GMDS: variants seen among roughly 807,000 people sequenced by gnomAD.
GMDS encodes the protein GDP-mannose 4,6-dehydratase, also known as GDP-mannose 4,6 dehydratase.
Under a neutral mutation model 49.9 loss-of-function variants are expected in GMDS, and 20 were observed. That is an observed-to-expected ratio of 0.40 (90% CI 0.28 to 0.58). The LOEUF (loss-of-function observed/expected upper bound fraction) is 0.58. Among genes scored for constraint, GMDS ranks in the 20% least tolerant of loss-of-function variants. GMDS has a pLI of 0.42. For synonymous variants in GMDS, 177 were observed against 178.6 expected, an observed-to-expected ratio of 0.99 and a Z score of 0.07; for missense variants, 362 against 481.4, an observed-to-expected ratio of 0.75 and a Z score of 2.32.
intron 2 of GMDS, among the ~76,000 whole-genome samples, chr6:2,119,965 TTTATTAA>T (rs1226984448): frequency 6.6e-6 from 1 of 152,196 alleles, no homozygotes; most frequent in Non-Finnish European, 1.5e-5. Context: ...TGCTTTATTA[TTTATTAA>T]TTATGATCAA....
At chr6:1,672,723 G>C (rs9501755) in intron 9 of GMDS, among the ~76,000 whole-genome samples, 50,836 of 152,014 alleles carry the variant, frequency 0.33, 8,896 homozygotes, top group Middle Eastern at 0.47. Flanking sequence ...TGTTCAAATA[G>C]GTTTGCCAGA....
At chr6:2,024,502 C>A in intron 4 of GMDS, among the ~76,000 whole-genome samples, 1 of 151,876 alleles carries the variant, frequency 6.6e-6, no homozygotes, top group East Asian at 1.9e-4. Context: ...TAAATCGAAA[C>A]ATGGGAAGTA....
chr6:1,969,193 C>T (rs1469918407), intron 4 of GMDS, among the ~76,000 whole-genome samples: 25 of 123,450 alleles, frequency 2.0e-4, no homozygotes, highest in East Asian at 1.4e-3. Context: ...ACCCGGGAGG[C>T]GGCGCTTGCA....
intron 1 of GMDS, among the ~76,000 whole-genome samples, chr6:2,155,268 GTAA>G (rs1335120823): frequency 2.0e-5 from 3 of 152,062 alleles, no homozygotes; most frequent in Non-Finnish European, 4.4e-5. Context: ...CTATTTCCTA[GTAA>G]TTATATTTTA....
intron 4 of GMDS, among the ~76,000 whole-genome samples, chr6:2,058,873 T>A (rs572292322): frequency 6.6e-6 from 1 of 152,316 alleles, no homozygotes; most frequent in South Asian, 2.1e-4. Flanking sequence ...CTAAAATTGC[T>A]GGTAGTGACG....
chr6:1,787,692 G>C (rs1769377444), intron 7 of GMDS, among the ~76,000 whole-genome samples: 1 of 152,122 alleles, frequency 6.6e-6, no homozygotes, highest in Non-Finnish European at 1.5e-5. Context: ...CATTTTCCTG[G>C]ACACCAAAGA....
At chr6:1,962,867 CTTTT>C (rs61214270) in intron 4 of GMDS, among the ~76,000 whole-genome samples, 18 of 148,946 alleles carry the variant, frequency 1.2e-4, no homozygotes, top group African/African-American at 4.4e-4. Flanking sequence ...TTTTTCTTTT[CTTTT>C]TTTTCTTTCT....
chr6:1,769,330 T>C (rs549641221), intron 7 of GMDS, among the ~76,000 whole-genome samples: 35 of 152,338 alleles, frequency 2.3e-4, no homozygotes, highest in Non-Finnish European at 3.4e-4. Flanking sequence ...GGGTAACAAA[T>C]TCTCTCAAAG....
intron 7 of GMDS, among the ~76,000 whole-genome samples, chr6:1,821,852 G>A (rs954478195): frequency 6.6e-6 from 1 of 152,032 alleles, no homozygotes; most frequent in African/African-American, 2.4e-5. Context: ...TTGCGGCGGG[G>A]GAGGGGACGC....
chr6:2,113,159 G>A (rs2127497182), intron 4 of GMDS, among the ~76,000 whole-genome samples: 1 of 152,132 alleles, frequency 6.6e-6, no homozygotes, highest in South Asian at 2.1e-4. Flanking sequence ...CTTGAATGTC[G>A]GTTTCTAGTA....
chr6:1,683,282 C>A (rs1328508290), intron 9 of GMDS, among the ~76,000 whole-genome samples: 1 of 152,176 alleles, frequency 6.6e-6, no homozygotes, highest in African/African-American at 2.4e-5. Flanking sequence ...CGCCACCACG[C>A]CCGGCTAGTT....
At chr6:1,845,562 G>T (rs938402317) in intron 7 of GMDS, among the ~76,000 whole-genome samples, 3 of 152,042 alleles carry the variant, frequency 2.0e-5, no homozygotes, top group African/African-American at 7.2e-5. Context: ...TTCTTCACAG[G>T]GTACCCTTCC....
At chr6:1,928,671 A>G (rs899797895) in intron 7 of GMDS, among the ~76,000 whole-genome samples, 1 of 152,154 alleles carries the variant, frequency 6.6e-6, no homozygotes, top group African/African-American at 2.4e-5. Flanking sequence ...TTAGAAGCAC[A>G]TATTTAAAAG....
At chr6:1,870,779 A>C (rs2113802309) in intron 7 of GMDS, among the ~76,000 whole-genome samples, 1 of 152,346 alleles carries the variant, frequency 6.6e-6, no homozygotes, top group South Asian at 2.1e-4. Context: ...CTATTAAATT[A>C]AGCCATATTA....
intron 4 of GMDS, among the ~76,000 whole-genome samples, chr6:2,024,155 C>A (rs1768440991): frequency 1.3e-5 from 2 of 152,246 alleles, no homozygotes; most frequent in Non-Finnish European, 2.9e-5. Context: ...AGGATATTTT[C>A]ATATTGCCAA....
At chr6:1,725,847 T>G (rs1274164055) in intron 9 of GMDS, among the ~76,000 whole-genome samples, 1 of 152,238 alleles carries the variant, frequency 6.6e-6, no homozygotes. Context: ...TAGAATTATG[T>G]ATAGCATATA....
intron 6 of GMDS, chr6:1,951,740 C>T (rs1408390009): frequency 3.3e-6 from 1 of 306,746 alleles, no homozygotes; most frequent in East Asian, 1.7e-4. Context: ...TTACCAACTT[C>T]TTGATAACAG....
chr6:2,193,557 T>C (rs983781053), intron 1 of GMDS, among the ~76,000 whole-genome samples: 11 of 152,182 alleles, frequency 7.2e-5, no homozygotes, highest in Admixed American at 2.6e-4. Context: ...TTGCTTTTCA[T>C]TTCCTTTTTC....
intron 7 of GMDS, among the ~76,000 whole-genome samples, chr6:1,807,639 C>T (rs1770236140): frequency 6.6e-6 from 1 of 152,040 alleles, no homozygotes; most frequent in African/African-American, 2.4e-5. Context: ...CCATCAAAGC[C>T]ATTCAGTGGG....
Sources: gnomAD v4.1 joint callset for allele counts (sites outside exome capture counted in the v4.1 genomes callset) on GRCh38, gnomAD v4.1.1 for gene constraint, MANE v1.5 for transcripts, NCBI Gene and HGNC (gene_info 2026-07-23, HGNC 2026-07-21) for gene names.